SGCD: variants seen among roughly 807,000 people sequenced by gnomAD.
SGCD encodes delta-sarcoglycan.
A neutral mutation model predicts 36.6 loss-of-function variants in SGCD; 18 were observed. The ratio of observed to expected loss-of-function variants is 0.49; its 90% CI spans 0.34 to 0.73. The LOEUF is 0.73. Ranked by LOEUF, SGCD falls within the 30% of genes least tolerant of loss-of-function variation. The probability of loss-of-function intolerance (pLI) is 0.01; values close to 1 mark genes in which losing one functional copy is unlikely to be tolerated. For synonymous variants in SGCD, 133 were observed against 130.6 expected (o/e 1.02, Z -0.12); for missense variants, 387 against 346.7 (o/e 1.12, Z -0.92).
intron 7 of SGCD, among the ~76,000 whole-genome samples, chr5:156,648,041 CTG>C (rs1442546005): frequency 6.6e-6 from 1 of 152,106 alleles, no homozygotes; most frequent in African/African-American, 2.4e-5. Flanking sequence ...GAGGATGACT[CTG>C]AGATGCTATG....
At chr5:156,654,498 T>C (rs1648959497) in intron 7 of SGCD, among the ~76,000 whole-genome samples, 1 of 152,150 alleles carries the variant, frequency 6.6e-6, no homozygotes, top group South Asian at 2.1e-4. Context: ...TGTTTTTTTC[T>C]TTCCTTTGGG....
chr5:156,273,585 T>C (rs1766236872), intron 3 of SGCD, among the ~76,000 whole-genome samples: 1 of 152,236 alleles, frequency 6.6e-6, no homozygotes, highest in Non-Finnish European at 1.5e-5. Flanking sequence ...ATTTCTCTTC[T>C]GACCTTTGCA....
chr5:156,713,273 G>A (rs1449409731), intron 7 of SGCD, among the ~76,000 whole-genome samples: 1 of 152,120 alleles, frequency 6.6e-6, no homozygotes, highest in Admixed American at 6.5e-5. Flanking sequence ...AGGAAAGAAG[G>A]TATACATATT....
chr5:156,751,971 C>T (rs564227873), intron 7 of SGCD, among the ~76,000 whole-genome samples: 1 of 152,338 alleles, frequency 6.6e-6, no homozygotes, highest in African/African-American at 2.4e-5. Flanking sequence ...AGGAGCCACA[C>T]ACAAGAATGT....
In SGCD at chr5:156,342,561, TA is replaced by T. The variant is rs369446230; in HGVS notation, c.4-1927del. On this transcript the variant is annotated intron_variant, in intron 2 of 8. Coordinates refer to ENST00000337851, the MANE Select transcript of SGCD (RefSeq NM_000337.6). ...TTTCAGGCTTATAAAGCATTATTTT[TA>T]CTTTTATTTGATCTTCATGTTTAAA... 1.1e-3 allele frequency among the ~76,000 whole-genome samples: 163 copies of T among 152,370 alleles called. 1 individual carries two copies. The highest frequency in any genetic ancestry group is 3.8e-3 in the African/African-American group (158 of 41,590).
intron 3 of SGCD, among the ~76,000 whole-genome samples, chr5:156,442,732 G>A (rs1220255285): frequency 6.6e-6 from 1 of 152,138 alleles, no homozygotes; most frequent in East Asian, 1.9e-4. Flanking sequence ...TTTTATTTAA[G>A]TTAATAAACA....
At chr5:155,817,179 G>A in the SGCD span, among the ~76,000 whole-genome samples, 2 of 151,992 alleles carry the variant, frequency 1.3e-5, no homozygotes, top group African/African-American at 4.8e-5. Context: ...TGCATATTTA[G>A]ATTGCCTCCT....
chr5:155,787,158 A>T, the SGCD span, among the ~76,000 whole-genome samples: 1 of 152,126 alleles, frequency 6.6e-6, no homozygotes, highest in Non-Finnish European at 1.5e-5. Flanking sequence ...ATTAAGTACT[A>T]CCCTCAGCAC....
chr5:156,372,768 T>A (rs1382080616), intron 3 of SGCD, among the ~76,000 whole-genome samples: 3 of 152,194 alleles, frequency 2.0e-5, no homozygotes, highest in Non-Finnish European at 1.5e-5. Context: ...CATTCAGCAT[T>A]CCCTCAGCAT....
At chr5:156,433,211 T>A (rs1291819740) in intron 3 of SGCD, among the ~76,000 whole-genome samples, 1 of 152,220 alleles carries the variant, frequency 6.6e-6, no homozygotes, top group Non-Finnish European at 1.5e-5. Context: ...TCTGCTCTAA[T>A]CATTCTCTCT....
intron 3 of SGCD, among the ~76,000 whole-genome samples, chr5:156,433,184 G>C (rs749410340): frequency 6.6e-6 from 1 of 152,114 alleles, no homozygotes; most frequent in Non-Finnish European, 1.5e-5. Context: ...TTTTCTGGTC[G>C]AGAAAGAACC....
intron 3 of SGCD, among the ~76,000 whole-genome samples, chr5:156,412,065 G>A (rs1175542562): frequency 6.6e-6 from 1 of 152,196 alleles, no homozygotes; most frequent in Non-Finnish European, 1.5e-5. Context: ...TTTTAGTCGT[G>A]CATTCTAGGG....
chr5:156,270,488 T>C (rs146422815), intron 3 of SGCD, among the ~76,000 whole-genome samples: 3 of 152,310 alleles, frequency 2.0e-5, no homozygotes, highest in East Asian at 1.9e-4. Context: ...TCATATGTTA[T>C]AAATGAGCTG....
chr5:156,068,753 T>C (rs1760426209), intron 1 of SGCD, among the ~76,000 whole-genome samples: 3 of 151,836 alleles, frequency 2.0e-5, no homozygotes, highest in South Asian at 4.1e-4. Flanking sequence ...TGTCAAAGTG[T>C]TCCTATTTCT....
chr5:156,709,061 G>T (rs556771226), intron 7 of SGCD, among the ~76,000 whole-genome samples: 2 of 152,080 alleles, frequency 1.3e-5, no homozygotes, highest in Non-Finnish European at 2.9e-5. Context: ...ATTCACAAAG[G>T]GAAATTTATA....
chr5:156,710,350 G>A (rs1754933295), intron 7 of SGCD, among the ~76,000 whole-genome samples: 1 of 152,128 alleles, frequency 6.6e-6, no homozygotes, highest in Admixed American at 6.5e-5. Flanking sequence ...GTTACACCAG[G>A]TACTTTGAAA....
At chr5:156,215,956 G>A (rs2127643200) in intron 3 of SGCD, among the ~76,000 whole-genome samples, 1 of 152,294 alleles carries the variant, frequency 6.6e-6, no homozygotes, top group South Asian at 2.1e-4. Context: ...TGGGTGAACA[G>A]ATAAAGAAAA....
intron 3 of SGCD, among the ~76,000 whole-genome samples, chr5:156,448,893 C>T (rs1478842316): frequency 6.6e-6 from 1 of 151,594 alleles, no homozygotes. Flanking sequence ...GGATTGCAGG[C>T]ATGCCCCAAC....
At chr5:155,952,886 C>T (rs1757573672) in intron 1 of SGCD, among the ~76,000 whole-genome samples, 1 of 152,118 alleles carries the variant, frequency 6.6e-6, no homozygotes, top group Non-Finnish European at 1.5e-5. Flanking sequence ...CAGCATGGGG[C>T]TTTAATTAAA....
Sources: allele counts gnomAD v4.1 joint callset (sites outside exome capture counted in the v4.1 genomes callset), GRCh38; gene constraint gnomAD v4.1.1; transcripts MANE v1.5; gene names NCBI Gene and HGNC (gene_info 2026-07-23, HGNC 2026-07-21).